Variants in MNAT1 observed in about 807,000 individuals in gnomAD.
MNAT1 encodes the protein MNAT1 component of CDK activating kinase.
In MNAT1, 43 loss-of-function variants were observed where a neutral mutation model predicts 42.0. The observed-to-expected ratio is 1.02, with a 90% CI of 0.80 to 1.32. MNAT1 has a LOEUF of 1.32. MNAT1 is among the 40% of genes most tolerant of loss of function. The pLI is 0.00. For synonymous variants in MNAT1, 118 were observed against 120.0 expected (o/e 0.98, Z 0.11); for missense variants, 306 against 350.4 (o/e 0.87, Z 1.01).
intron 7 of MNAT1, among the ~76,000 whole-genome samples, chr14:60,896,735 C>CT (rs1204601565): frequency 1.3e-5 from 2 of 152,142 alleles, no homozygotes; most frequent in Non-Finnish European, 2.9e-5. Context: ...ATCCACACGC[C>CT]TCAGCCTCCC....
At chr14:60,839,479 T>C (rs1233603314) in intron 6 of MNAT1, among the ~76,000 whole-genome samples, 1 of 152,218 alleles carries the variant, frequency 6.6e-6, no homozygotes, top group African/African-American at 2.4e-5. Flanking sequence ...TACCTCATTC[T>C]TCCTAGATGT....
intron 5 of MNAT1, among the ~76,000 whole-genome samples, chr14:60,812,857 A>G (rs1157157414): frequency 6.6e-6 from 1 of 152,166 alleles, no homozygotes; most frequent in Non-Finnish European, 1.5e-5. Context: ...TCATCGCTCA[A>G]TAAAATTATC....
intron 7 of MNAT1, among the ~76,000 whole-genome samples, chr14:60,914,611 A>G (rs2035471829): frequency 6.6e-6 from 1 of 152,134 alleles, no homozygotes; most frequent in African/African-American, 2.4e-5. Context: ...GCTGCCTAAT[A>G]GAGTCCACTC....
At chr14:60,837,906 T>C (rs1198554547) in intron 6 of MNAT1, among the ~76,000 whole-genome samples, 1 of 152,246 alleles carries the variant, frequency 6.6e-6, no homozygotes, top group Non-Finnish European at 1.5e-5. Context: ...AAGACGGTTC[T>C]TAAGATTGAG....
chr14:60,878,307 A>C (rs2034476210), intron 6 of MNAT1, among the ~76,000 whole-genome samples: 1 of 152,164 alleles, frequency 6.6e-6, no homozygotes, highest in Admixed American at 6.6e-5. Context: ...TGAGGGTCCT[A>C]GGAATTTAAC....
chr14:60,848,528 A>G (rs1459715318), intron 6 of MNAT1, among the ~76,000 whole-genome samples: 1 of 152,146 alleles, frequency 6.6e-6, no homozygotes, highest in Non-Finnish European at 1.5e-5. Flanking sequence ...TTTTATTGCC[A>G]TGTAATTCAA....
chr14:60,796,277 T>C lies in MNAT1; in HGVS notation c.150T>C (p.Gly50=), dbSNP rs1212661682. The change falls in exon 2 of 8, where the codon GGT becomes GGC. Residue 50 remains glycine (G), a synonymous_variant. Transcript: ENST00000261245. ...GAGCTGGAAACTGCCCTGAGTGTGG[T>C]ACTCCACTCAGAAAGAGCAACTTCA... ...VRGAGNCPEC[G]TPLRKSNFRV... is the part of the protein sequence containing the mutation. The C allele has an allele frequency of 6.2e-7, 1 of 1,613,712 alleles. No homozygotes were observed. The highest frequency in any genetic ancestry group is 1.7e-5 in the Admixed American group (1 of 59,978).
intron 7 of MNAT1, among the ~76,000 whole-genome samples, chr14:60,892,313 T>C (rs1370174050): frequency 6.6e-6 from 1 of 152,184 alleles, no homozygotes; most frequent in Non-Finnish European, 1.5e-5. Context: ...GGTCTGTTAT[T>C]AGGTAAGTAA....
chr14:60,948,324 A>G (rs563644964), intron 7 of MNAT1, among the ~76,000 whole-genome samples: 1 of 152,224 alleles, frequency 6.6e-6, no homozygotes, highest in South Asian at 2.1e-4. Flanking sequence ...CCAGCTCCTC[A>G]GGAGACTGAG....
At chr14:60,917,789 A>G (rs2035557732) in intron 7 of MNAT1, among the ~76,000 whole-genome samples, 1 of 151,740 alleles carries the variant, frequency 6.6e-6, no homozygotes, top group African/African-American at 2.4e-5. Flanking sequence ...CACCCGGCTA[A>G]CTTTTTGTAT....
rs1286194342 is a variant in MNAT1 at position 60,968,640 on chromosome 14, TATAAA to T, written c.*294_*298del. 7.3e-6 allele frequency: 5 copies of T among 688,554 alleles called. No individual in the cohort carries two copies. Among genetic ancestry groups the T allele is most frequent in the Non-Finnish European group, 1.1e-5 (5 of 472,356 alleles). 42.7% of individuals were successfully genotyped at this position (688,554 alleles called of 1,614,324 possible). On this transcript the variant is annotated 3_prime_UTR_variant, in exon 8 of 8. Transcript: ENST00000261245. ...TATGTGTTTGAGGTTGTGACAGACT[TATAAA>T]ATCTTTTTAAAAAATAAAGCTATAA...
chr14:60,811,695 C>T (rs1381782913), intron 4 of MNAT1, among the ~76,000 whole-genome samples: 3 of 152,150 alleles, frequency 2.0e-5, no homozygotes, highest in African/African-American at 7.2e-5. Context: ...ACCTTACTGC[C>T]TCTAGTCATC....
At chr14:60,834,689 C>T (rs889409180) in intron 6 of MNAT1, among the ~76,000 whole-genome samples, 2 of 152,150 alleles carry the variant, frequency 1.3e-5, no homozygotes, top group South Asian at 4.1e-4. Flanking sequence ...TTCTCTAGAG[C>T]TAGTTCAAGT....
At chr14:60,875,988 T>C (rs2034428435) in intron 6 of MNAT1, among the ~76,000 whole-genome samples, 2 of 152,048 alleles carry the variant, frequency 1.3e-5, no homozygotes, top group South Asian at 4.1e-4. Flanking sequence ...TTCCTTTCCC[T>C]CACTTACCCT....
chr14:60,876,077 A>G (rs1033983300), intron 6 of MNAT1, among the ~76,000 whole-genome samples: 2 of 152,070 alleles, frequency 1.3e-5, no homozygotes, highest in Non-Finnish European at 1.5e-5. Flanking sequence ...TTTTTTATCA[A>G]ATGGCAGGAG....
chr14:60,947,589 A>G (rs556113858), intron 7 of MNAT1, among the ~76,000 whole-genome samples: 1 of 152,268 alleles, frequency 6.6e-6, no homozygotes, highest in Non-Finnish European at 1.5e-5. Flanking sequence ...AGACTGAGGC[A>G]GGAGAATCGC....
chr14:60,884,798 C>T (rs557135111), intron 7 of MNAT1, among the ~76,000 whole-genome samples: 1 of 152,020 alleles, frequency 6.6e-6, no homozygotes, highest in Non-Finnish European at 1.5e-5. Flanking sequence ...GAATTTTGTA[C>T]CTTCAGGTGA....
intron 7 of MNAT1, among the ~76,000 whole-genome samples, chr14:60,937,008 G>A (rs1760025496): frequency 6.6e-6 from 1 of 151,294 alleles, no homozygotes; most frequent in African/African-American, 2.5e-5. Flanking sequence ...GTGTTTTTTG[G>A]CTGCATAAAT....
chr14:60,847,474 A>G (rs952871346), intron 6 of MNAT1, among the ~76,000 whole-genome samples: 4 of 150,898 alleles, frequency 2.7e-5, no homozygotes, highest in Admixed American at 1.3e-4. Flanking sequence ...TATTGTTTAC[A>G]TTGTTTATCT....
Sources: gnomAD v4.1 joint callset for allele counts (sites outside exome capture counted in the v4.1 genomes callset) on GRCh38, gnomAD v4.1.1 for gene constraint, MANE v1.5 for transcripts, NCBI Gene and HGNC (gene_info 2026-07-23, HGNC 2026-07-21) for gene names.